The following FBXO4 variants were observed in gnomAD, a reference collection of about 807,000 sequenced individuals.
FBXO4 encodes the protein F-box protein 4.
In FBXO4, 36 loss-of-function variants were observed where a neutral mutation model predicts 43.7. That is an observed-to-expected ratio of 0.82 (90% CI 0.63 to 1.09). FBXO4 has a LOEUF of 1.09. Among genes scored for constraint, FBXO4 ranks in the 50% least tolerant of loss-of-function variants. The pLI, the probability that FBXO4 is intolerant of heterozygous loss-of-function variation, is 0.00. For synonymous variants in FBXO4, 180 were observed against 165.6 expected (o/e 1.09, Z -0.67); for missense variants, 435 against 474.1 (o/e 0.92, Z 0.77).
chr5:41,963,535 T>C, the FBXO4 span, among the ~76,000 whole-genome samples: 2 of 152,190 alleles, frequency 1.3e-5, no homozygotes, highest in Non-Finnish European at 2.9e-5. Flanking sequence ...GTCTTACTGA[T>C]AATGTAAACA....
the FBXO4 span, among the ~76,000 whole-genome samples, chr5:41,974,914 T>G: frequency 1.6e-3 from 248 of 152,322 alleles, 10 homozygotes; most frequent in East Asian, 0.044. Context: ...GTATCCTTTT[T>G]TTCTGTTAGG....
At chr5:41,947,468 T>C in the FBXO4 span, among the ~76,000 whole-genome samples, 2 of 152,214 alleles carry the variant, frequency 1.3e-5, no homozygotes, top group Non-Finnish European at 2.9e-5. Context: ...GTTTAGAAAT[T>C]TCTCAACTAA....
At chr5:41,993,963 C>T in the FBXO4 span, among the ~76,000 whole-genome samples, 2 of 152,092 alleles carry the variant, frequency 1.3e-5, no homozygotes, top group African/African-American at 4.8e-5. Context: ...TGTTAATGTC[C>T]TTTGGCAACA....
the FBXO4 span, among the ~76,000 whole-genome samples, chr5:42,025,620 C>T: frequency 2.6e-5 from 4 of 151,774 alleles, no homozygotes; most frequent in Non-Finnish European, 2.9e-5. Context: ...TTTTCCCAGA[C>T]GAATGTCCTG....
At chr5:41,968,223 A>G in the FBXO4 span, 1 of 207,652 alleles carries the variant, frequency 4.8e-6, no homozygotes, top group Non-Finnish European at 9.9e-6. Flanking sequence ...AAGAGCAGTG[A>G]GAGTTATCGG....
chr5:41,928,262 G>A (rs1751566262), intron 2 of FBXO4, among the ~76,000 whole-genome samples: 1 of 151,910 alleles, frequency 6.6e-6, no homozygotes, highest in Admixed American at 6.6e-5. Context: ...CCAGGGAATA[G>A]TAATAATAGT....
the FBXO4 span, among the ~76,000 whole-genome samples, chr5:42,034,443 C>T: frequency 3.3e-5 from 5 of 152,116 alleles, no homozygotes; most frequent in Admixed American, 2.0e-4. Flanking sequence ...TTGTCCATGC[C>T]TGTGTCCTGA....
intron 5 of FBXO4, chr5:41,935,129 G>A (rs1751815788): frequency 5.1e-6 from 5 of 985,296 alleles, no homozygotes; most frequent in Non-Finnish European, 6.0e-6. Flanking sequence ...AGTTCCTACA[G>A]GCATGTTGCA....
downstream of FBXO4, among the ~76,000 whole-genome samples, chr5:41,945,933 A>C (rs1752070801): frequency 6.6e-6 from 1 of 152,222 alleles, no homozygotes; most frequent in Non-Finnish European, 1.5e-5. Flanking sequence ...TCTGTTAGAA[A>C]TTACTGATGC....
At chr5:42,035,324 A>G in the FBXO4 span, among the ~76,000 whole-genome samples, 2 of 152,004 alleles carry the variant, frequency 1.3e-5, no homozygotes, top group Non-Finnish European at 2.9e-5. Flanking sequence ...TTCTTTCTCT[A>G]GCCTGATTGC....
chr5:42,027,276 G>A, the FBXO4 span, among the ~76,000 whole-genome samples: 1 of 151,732 alleles, frequency 6.6e-6, no homozygotes, highest in Admixed American at 6.6e-5. Context: ...TCAATTGGTA[G>A]GTTGTATGTA....
rs1247736327 is a variant in FBXO4 at position 41,931,650 on chromosome 5, A to C, written c.646+1733A>C. Among the ~76,000 whole-genome samples, 4 of 152,216 alleles carry C rather than the reference A, an allele frequency of 2.6e-5. No individual in the cohort carries two copies. In the East Asian group the frequency reaches 7.7e-4, roughly 29 times the overall value. On this transcript the variant is annotated intron_variant, in intron 3 of 6. Transcript: ENST00000281623. The stretch of plus-strand genomic sequence containing the variant: ...TGTATATTTGGTGAATGAGTGAATG[A>C]CTTGATGGATTACTGTATGCATCCA...
the FBXO4 span, among the ~76,000 whole-genome samples, chr5:42,040,272 T>C: frequency 6.6e-6 from 1 of 152,224 alleles, no homozygotes; most frequent in South Asian, 2.1e-4. Flanking sequence ...TTTTATTTTC[T>C]TTCCCCACTA....
the FBXO4 span, among the ~76,000 whole-genome samples, chr5:41,999,468 T>TA: frequency 0.037 from 1,023 of 27,446 alleles, 36 homozygotes; most frequent in African/African-American, 0.098. Context: ...TGTGTGTGTA[T>TA]ATATATATAC....
the FBXO4 span, among the ~76,000 whole-genome samples, chr5:41,962,896 C>A: frequency 6.6e-6 from 1 of 152,176 alleles, no homozygotes; most frequent in Non-Finnish European, 1.5e-5. Flanking sequence ...ATTTATCTGA[C>A]AGCTTTCTCC....
At chr5:42,014,722 G>A in the FBXO4 span, among the ~76,000 whole-genome samples, 2 of 151,972 alleles carry the variant, frequency 1.3e-5, no homozygotes, top group African/African-American at 4.8e-5. Flanking sequence ...AGTCCTTTAG[G>A]TATCAATTCA....
the FBXO4 span, among the ~76,000 whole-genome samples, chr5:41,993,895 A>G: frequency 3.3e-5 from 5 of 152,094 alleles, no homozygotes; most frequent in Non-Finnish European, 7.4e-5. Flanking sequence ...GGCAGCTGAT[A>G]AGATGGTGCC....
At chr5:41,970,371 T>A in the FBXO4 span, among the ~76,000 whole-genome samples, 1 of 152,044 alleles carries the variant, frequency 6.6e-6, no homozygotes, top group Non-Finnish European at 1.5e-5. Flanking sequence ...CCATTTATTA[T>A]ATCTTCACCT....
chr5:41,998,284 G>C, the FBXO4 span, among the ~76,000 whole-genome samples: 1 of 152,208 alleles, frequency 6.6e-6, no homozygotes, highest in African/African-American at 2.4e-5. Flanking sequence ...GATATACAGA[G>C]AAGAGCAATT....
Sources: gnomAD v4.1 joint callset for allele counts (sites outside exome capture counted in the v4.1 genomes callset) on GRCh38, gnomAD v4.1.1 for gene constraint, MANE v1.5 for transcripts, NCBI Gene and HGNC (gene_info 2026-07-23, HGNC 2026-07-21) for gene names.